Variants in NEMP2 observed in about 807,000 individuals in gnomAD.
NEMP2 encodes the protein nuclear envelope integral membrane protein 2.
A neutral mutation model predicts 54.2 loss-of-function variants in NEMP2; 53 were observed. That is an observed-to-expected ratio of 0.98 (90% CI 0.78 to 1.23). NEMP2 has a LOEUF of 1.23. NEMP2 is among the 50% of genes most tolerant of loss of function. The probability of loss-of-function intolerance (pLI) is 0.00; values close to 1 mark genes in which losing one functional copy is unlikely to be tolerated. For synonymous variants in NEMP2, 197 were observed against 190.3 expected (o/e 1.04, Z -0.29); for missense variants, 455 against 511.3 (o/e 0.89, Z 1.06).
At position 190,531,011 on chromosome 2, in the gene NEMP2, A is replaced by C. The variant is rs1347815483; in HGVS notation, c.97+3548T>G. Among the ~76,000 whole-genome samples the C allele has an allele frequency of 6.6e-6, 1 of 152,244 alleles. No homozygotes were observed. Among genetic ancestry groups the C allele is most frequent in the Non-Finnish European group, 1.5e-5 (1 of 68,044 alleles). ...AAACCCTGTCTTTACCAAAAATAAA[A>C]AATTGGCCAGGATCATAATTCAGTC... On this transcript the variant is annotated intron_variant, in intron 1 of 8. Coordinates refer to ENST00000409150, the MANE Select transcript of NEMP2 (RefSeq NM_001142645.2). This position sits in a 1 kb window ranked among gnomAD's most constrained non-coding sequence, Gnocchi z 4.7.
the NEMP2 span, among the ~76,000 whole-genome samples, chr2:190,463,078 A>C: frequency 2.0e-5 from 3 of 152,196 alleles, no homozygotes; most frequent in African/African-American, 7.2e-5. This position sits in a 1 kb window ranked among gnomAD's most constrained non-coding sequence, Gnocchi z 4.4. Context: ...AGAAGACAAG[A>C]GATTCCAGAC....
the NEMP2 span, chr2:190,627,911 A>C: frequency 6.6e-6 from 1 of 152,242 alleles, no homozygotes; most frequent in East Asian, 1.9e-4. The surrounding 1 kb of genome is among the most constrained non-coding windows in gnomAD (Gnocchi z 4.4). Flanking sequence ...TAATAAGCTG[A>C]GCGCAACAGA....
At chr2:190,598,242 T>G in the NEMP2 span, among the ~76,000 whole-genome samples, 1 of 152,182 alleles carries the variant, frequency 6.6e-6, no homozygotes, top group South Asian at 2.1e-4. Context: ...AAGGCTGAGA[T>G]GAAGACCTTT....
chr2:190,422,686 T>A, the NEMP2 span, among the ~76,000 whole-genome samples: 1 of 152,186 alleles, frequency 6.6e-6, no homozygotes, highest in South Asian at 2.1e-4. Flanking sequence ...CTTGTGTCCA[T>A]TTTTATTCAT....
chr2:190,525,050 A>T lies in NEMP2; in HGVS notation c.213+213T>A, dbSNP rs1574310143. 6.6e-6 allele frequency among the ~76,000 whole-genome samples: 1 copy of T among 152,174 alleles called. No individual in the cohort carries two copies. Among genetic ancestry groups the T allele is most frequent in the Non-Finnish European group, 1.5e-5 (1 of 68,020 alleles). On this transcript the variant is annotated intron_variant, in intron 2 of 8. Coordinates refer to ENST00000409150, the MANE Select transcript of NEMP2 (RefSeq NM_001142645.2). The surrounding 1 kb of genome is among the most constrained non-coding windows in gnomAD (Gnocchi z 5.0). Reference sequence around the variant, plus strand: ...GTATATTCATTGGGAGTGGCTTGGGAGGGGCTGAGGGAGAATATGAAGGAG... The same window carrying T: ...GTATATTCATTGGGAGTGGCTTGGGTGGGGCTGAGGGAGAATATGAAGGAG...
the NEMP2 span, among the ~76,000 whole-genome samples, chr2:190,640,177 T>G: frequency 6.6e-6 from 1 of 152,164 alleles, no homozygotes; most frequent in Non-Finnish European, 1.5e-5. Flanking sequence ...GATATCTTAT[T>G]TAACTAATAC....
chr2:190,544,785 T>C, the NEMP2 span, among the ~76,000 whole-genome samples: 3 of 152,064 alleles, frequency 2.0e-5, no homozygotes, highest in African/African-American at 7.2e-5. Flanking sequence ...TCACCAGTTA[T>C]TTATTATTTT....
rs1290161219 is a variant in NEMP2 at position 190,521,770 on chromosome 2, C to A, written c.214-2587G>T. ...CATCTTATTTGACCTGTCAACAGCA[C>A]TTGGCATTGCTGATTATTCCCTTCT... On this transcript the variant is annotated intron_variant, in intron 2 of 8. Transcript: ENST00000409150. The surrounding 1 kb of genome is among the most constrained non-coding windows in gnomAD (Gnocchi z 6.2). Among the ~76,000 whole-genome samples the A allele has an allele frequency of 1.3e-5, 2 of 152,214 alleles. No homozygotes were observed. The highest frequency in any genetic ancestry group is 4.8e-5 in the African/African-American group (2 of 41,448).
the NEMP2 span, among the ~76,000 whole-genome samples, chr2:190,484,530 C>G: frequency 2.6e-5 from 4 of 152,022 alleles, no homozygotes; most frequent in Admixed American, 2.6e-4. Flanking sequence ...TGGGAAATGG[C>G]GGAGGGTTTT....
chr2:190,575,320 AT>A, the NEMP2 span, among the ~76,000 whole-genome samples: 1 of 131,030 alleles, frequency 7.6e-6, no homozygotes, highest in Non-Finnish European at 1.7e-5. Context: ...ATAATAGACT[AT>A]TTTTTTCTAA....
chr2:190,437,513 C>T, the NEMP2 span: 7 of 1,614,144 alleles, frequency 4.3e-6, no homozygotes, highest in Non-Finnish European at 5.9e-6. The surrounding 1 kb of genome is among the most constrained non-coding windows in gnomAD (Gnocchi z 5.9). Flanking sequence ...TCTGAGCTGA[C>T]AGCATATTTT....
At chr2:190,614,438 TAAAAACAAAAAC>T in the NEMP2 span, among the ~76,000 whole-genome samples, 1 of 151,752 alleles carries the variant, frequency 6.6e-6, no homozygotes, top group Admixed American at 6.6e-5. The surrounding 1 kb of genome is among the most constrained non-coding windows in gnomAD (Gnocchi z 5.7). Context: ...AGGAGAGAAA[TAAAAACAAAAAC>T]AAAAACAAAA....
At chr2:190,423,388 G>A in the NEMP2 span, among the ~76,000 whole-genome samples, 1 of 152,188 alleles carries the variant, frequency 6.6e-6, no homozygotes, top group Non-Finnish European at 1.5e-5. The surrounding 1 kb of genome is among the most constrained non-coding windows in gnomAD (Gnocchi z 4.3). Context: ...CATACAGTAT[G>A]TAATGTTTTG....
chr2:190,471,073 C>T, the NEMP2 span, among the ~76,000 whole-genome samples: 3 of 152,158 alleles, frequency 2.0e-5, 1 homozygote, highest in East Asian at 5.8e-4. This position sits in a 1 kb window ranked among gnomAD's most constrained non-coding sequence, Gnocchi z 4.7. Flanking sequence ...GGGAGGCACA[C>T]ATCTCAGTTT....
At chr2:190,639,223 C>T in the NEMP2 span, among the ~76,000 whole-genome samples, 1 of 152,064 alleles carries the variant, frequency 6.6e-6, no homozygotes, top group Admixed American at 6.5e-5. Flanking sequence ...AGGATGGCAT[C>T]TGAATCAGCA....
the NEMP2 span, among the ~76,000 whole-genome samples, chr2:190,474,533 G>T: frequency 3.9e-5 from 6 of 152,138 alleles, no homozygotes; most frequent in Non-Finnish European, 1.5e-5. Flanking sequence ...TTGAATCTCT[G>T]AATAGACCAA....
chr2:190,432,676 T>A, the NEMP2 span, among the ~76,000 whole-genome samples: 1 of 152,062 alleles, frequency 6.6e-6, no homozygotes. Context: ...CTCAACCTCC[T>A]AAAGTGCTTG....
the NEMP2 span, among the ~76,000 whole-genome samples, chr2:190,490,542 G>A: frequency 2.0e-5 from 3 of 151,190 alleles, no homozygotes; most frequent in Admixed American, 1.3e-4. The surrounding 1 kb of genome is among the most constrained non-coding windows in gnomAD (Gnocchi z 4.5). Context: ...CAGCCTGGGG[G>A]AACGAGCAAG....
rs1691300070 is a variant in NEMP2 at position 190,534,616 on chromosome 2, G to A, written c.40C>T (p.Leu14=). 2.2e-6 allele frequency: 3 copies of A among 1,380,774 alleles called. No individual in the cohort carries two copies. The highest frequency in any genetic ancestry group is 2.8e-6 in the Non-Finnish European group (3 of 1,070,464). The allele number at this position is 1,380,774 out of a possible 1,614,324, so 85.5% of individuals were successfully genotyped here. The part of the protein sequence containing the change: ...RQGRWWLLLW[L]PPLATLPVRG... ...ACGGGCAGTGTGGCCAGGGGCGGCA[G>A]CCAGAGCAGCAGCCACCACCGCCCT... The change falls in exon 1 of 9, where the codon CTG becomes TTG. Residue 14 remains leucine (L), a synonymous_variant. Coordinates refer to ENST00000409150, the MANE Select transcript of NEMP2 (RefSeq NM_001142645.2).
Sources: allele counts gnomAD v4.1 joint callset (sites outside exome capture counted in the v4.1 genomes callset), GRCh38; gene constraint gnomAD v4.1.1; non-coding constraint Gnocchi (gnomAD v3.1); transcripts MANE v1.5; gene names NCBI Gene and HGNC (gene_info 2026-07-23, HGNC 2026-07-21).